NPM2: variants seen among roughly 807,000 people sequenced by gnomAD.
NPM2 encodes nucleoplasmin-2.
NPM2 carries 25 observed loss-of-function variants against 32.0 expected under a neutral mutation model. The ratio of observed to expected loss-of-function variants is 0.78; its 90% CI spans 0.57 to 1.09. The LOEUF (loss-of-function observed/expected upper bound fraction) is 1.09, where lower values mean the gene tolerates loss of function less well. Ranked by LOEUF, NPM2 falls within the 50% of genes least tolerant of loss-of-function variation. The pLI is 0.00. For missense variants in NPM2, 282 were observed against 259.9 expected (o/e 1.08, Z -0.58); for synonymous variants, 111 against 94.2 (o/e 1.18, Z -1.04).
In NPM2 at chr8:22,034,156, G is replaced by A; in HGVS notation, c.412G>A (p.Glu138Lys). The stretch of plus-strand genomic sequence containing the variant: ...GGAGGAGGAGGAAGAAGAAGGGGAG[G>A]AGGAGGAAGAGGAAGAGGAAGATGA... ...WEEEEEEEGE[E>K]EEEEEEDDED... is the part of the protein sequence containing the mutation. Residue 138 changes from glutamate to lysine, a missense_variant, in exon 7 of 10, where the codon GAG (glutamate) becomes AAG (lysine). Glu to Lys is a moderately conservative substitution (Grantham distance 56). Transcript: ENST00000518119. 1.2e-6 allele frequency: 2 copies of A among 1,612,094 alleles called. No homozygotes were observed. The highest frequency in any genetic ancestry group is 2.2e-5 in the South Asian group (2 of 90,672).
intron 5 of NPM2, among the ~76,000 whole-genome samples, chr8:22,027,373 A>G (rs1349154176): frequency 6.6e-6 from 1 of 152,194 alleles, no homozygotes; most frequent in East Asian, 1.9e-4. Context: ...GTGGTTTTCA[A>G]GACCATCTAA....
chr8:22,034,573 A>T, intron 8 of NPM2, 29 bp downstream of exon 8: 1 of 1,572,166 alleles, frequency 6.4e-7, no homozygotes, highest in Non-Finnish European at 8.7e-7. Flanking sequence ...TAAATTAGCC[A>T]AAGTCTCCAG....
intron 2 of NPM2, 113 bp downstream of exon 2, chr8:22,024,943 T>A: frequency 2.4e-6 from 1 of 413,814 alleles, no homozygotes; most frequent in Non-Finnish European, 4.3e-6. Context: ...CCAGGTGACC[T>A]CCCCGCGGCC....
rs1365935131 is a variant in NPM2 at position 22,025,375 on chromosome 8, G to T, written c.59-61G>T. Reference sequence around the variant, plus strand: ...CCGGTGCGCGGCAGCTTGGGGCGCAGGTGAGCCCCTCCTTTGGGAACGAAT... The same window carrying T: ...CCGGTGCGCGGCAGCTTGGGGCGCATGTGAGCCCCTCCTTTGGGAACGAAT... On this transcript the variant is annotated intron_variant, in intron 3 of 9. Coordinates refer to ENST00000518119, the MANE Select transcript of NPM2 (RefSeq NM_001286680.2). 4 of 1,602,780 alleles carry T rather than the reference G, an allele frequency of 2.5e-6. No individual in the cohort carries two copies. In the African/African-American group the frequency reaches 4.0e-5, roughly 16 times the overall value.
intron 5 of NPM2, among the ~76,000 whole-genome samples, chr8:22,027,960 C>T (rs925639854): frequency 5.3e-5 from 8 of 152,160 alleles, no homozygotes; most frequent in Non-Finnish European, 1.2e-4. Context: ...CCTGTTGTCT[C>T]TGCCCCCATC....
At chr8:22,030,884 G>T (rs1800416607) in intron 5 of NPM2, among the ~76,000 whole-genome samples, 1 of 152,108 alleles carries the variant, frequency 6.6e-6, no homozygotes, top group African/African-American at 2.4e-5. Context: ...CTAAGTTCTT[G>T]GTCGGGCTAG....
In NPM2 at chr8:22,034,547, A is replaced by G; in HGVS notation, c.566+3A>G. On this transcript the variant is annotated splice_donor_region_variant and intron_variant, in intron 8 of 9. Transcript: ENST00000518119. ...GAAAAAGAAGAAGAGGAAATAAGGT[A>G]ACTCTTTCTACCTATTAAATTAGCC... is the stretch of plus-strand genomic sequence containing the variant. 2.5e-6 allele frequency: 4 copies of G among 1,607,870 alleles called. No individual in the cohort carries two copies. Among genetic ancestry groups the G allele is most frequent in the Non-Finnish European group, 1.7e-6 (2 of 1,174,712 alleles).
At chr8:22,036,155 A>C (rs1800612988) in intron 8 of NPM2, among the ~76,000 whole-genome samples, 1 of 152,128 alleles carries the variant, frequency 6.6e-6, no homozygotes. Flanking sequence ...AGGCTGAGGC[A>C]GGAGGATCAC....
In NPM2 at chr8:22,025,818, T is replaced by G. The variant is rs780551953; in HGVS notation, c.270+46T>G. The G allele has an allele frequency of 5.3e-5, 86 of 1,611,380 alleles. No individual in the cohort carries two copies. In the Admixed American group the frequency reaches 1.4e-3, roughly 27 times the overall value. ...TGGAAGACTGCTGTCAGCCTCACCC[T>G]CACCCTTGGGTGGGGATGGACACAC... On this transcript the variant is annotated intron_variant, in intron 5 of 9. Coordinates refer to ENST00000518119, the MANE Select transcript of NPM2 (RefSeq NM_001286680.2).
At chr8:22,025,604 G>A (rs771612705) in intron 4 of NPM2, 43 bp from the exon 5 acceptor site, 5 of 1,614,076 alleles carry the variant, frequency 3.1e-6, no homozygotes, top group Non-Finnish European at 4.2e-6. Context: ...TCTCCCGTCG[G>A]CCCTCAGGGT....
In NPM2 at chr8:22,034,512, A is replaced by T. The variant is rs1334117276; in HGVS notation, c.534A>T (p.Lys178Asn). Residue 178 changes from lysine (K) to asparagine (N), a missense_variant and splice_region_variant, in exon 8 of 10, where the codon AAA becomes AAT. Physicochemically the swap from Lys to Asn is moderately conservative, Grantham distance 94. Coordinates refer to ENST00000518119, the MANE Select transcript of NPM2 (RefSeq NM_001286680.2). Reference protein sequence around the residue: ...VPQKQASVAKKKKLEKEEEEI... With the variant: ...VPQKQASVAKNKKLEKEEEEI... ...ATACACTGTTTTTTGGTTCCCAGAAAAAAAAGCTGGAAAAAGAAGAAGAGG... is the reference window on the plus strand; with the variant it reads ...ATACACTGTTTTTTGGTTCCCAGAATAAAAAGCTGGAAAAAGAAGAAGAGG... 5.0e-6 allele frequency: 8 copies of T among 1,612,278 alleles called. No individual in the cohort carries two copies. In the Admixed American group the frequency reaches 1.2e-4, roughly 24 times the overall value.
chr8:22,032,960 C>G, intron 5 of NPM2, 170 bp from the exon 6 acceptor site: 2 of 600,680 alleles, frequency 3.3e-6, no homozygotes, highest in South Asian at 1.9e-5. Context: ...GTGAGCTTAG[C>G]AAGAATGGGA....
At chr8:22,034,774 A>G (rs957049775) in intron 8 of NPM2, among the ~76,000 whole-genome samples, 1 of 152,226 alleles carries the variant, frequency 6.6e-6, no homozygotes, top group Non-Finnish European at 1.5e-5. Context: ...TTCCTTCCAC[A>G]GAATTCCATC....
At chr8:22,030,702 C>T (rs1400372271) in intron 5 of NPM2, among the ~76,000 whole-genome samples, 1 of 151,910 alleles carries the variant, frequency 6.6e-6, no homozygotes, top group African/African-American at 2.4e-5. Flanking sequence ...ATTTTAGAGA[C>T]AAGATCTTGC....
chr8:22,034,405 C>A (rs561221021), intron 7 of NPM2, 105 bp from the exon 8 acceptor site: 3 of 1,365,320 alleles, frequency 2.2e-6, no homozygotes, highest in African/African-American at 1.4e-5. Flanking sequence ...GCCACCTCAG[C>A]TAGTTCTGGC....
rs1473493985 is a variant in NPM2 at position 22,034,285 on chromosome 8, G to A, written c.531+10G>A. On this transcript the variant is annotated intron_variant, in intron 7 of 9. Coordinates refer to ENST00000518119, the MANE Select transcript of NPM2 (RefSeq NM_001286680.2). ...GGCGAGCGTGGCTAAGGTGGGGGAA[G>A]GAGCGTGGCTGTTTGGAAGGAAGTG... 4 of 1,571,674 alleles carry A rather than the reference G, an allele frequency of 2.5e-6. No homozygotes were observed. The South Asian group carries it at 3.6e-5, about 14-fold the overall frequency.
rs1177406635 is a variant in NPM2, at chr8:22,024,300, A to G, written c.-464A>G. On this transcript the variant is annotated 5_prime_UTR_variant, in exon 1 of 10. It removes an upstream start codon present in the reference 5' UTR. Coordinates refer to ENST00000518119, the MANE Select transcript of NPM2 (RefSeq NM_001286680.2). Reference sequence around the variant, plus strand: ...GCTGTCTGGGCCTTAGGAAAGGCCCATGCTGTATAAGGCATGGGGAAAGGA... The same window carrying G: ...GCTGTCTGGGCCTTAGGAAAGGCCCGTGCTGTATAAGGCATGGGGAAAGGA... 2 of 152,380 alleles carry G rather than the reference A, an allele frequency of 1.3e-5. No individual in the cohort carries two copies. The highest frequency in any genetic ancestry group is 1.3e-4 in the Admixed American group (2 of 15,292). 9.4% of individuals were successfully genotyped at this position (152,380 alleles called of 1,614,324 possible).
intron 5 of NPM2, among the ~76,000 whole-genome samples, chr8:22,026,371 G>C (rs1296856730): frequency 6.6e-6 from 1 of 151,806 alleles, no homozygotes; most frequent in Admixed American, 6.6e-5. Context: ...TCTACATATT[G>C]GTTGTGCATC....
At chr8:22,036,580 G>T (rs1314113896) in intron 9 of NPM2, 54 bp downstream of exon 9, 1 of 1,562,658 alleles carries the variant, frequency 6.4e-7, no homozygotes, top group Non-Finnish European at 8.7e-7. Context: ...TTCTCTGGAG[G>T]GGGCTGCCTG....
Sources: gnomAD v4.1 joint callset for allele counts (sites outside exome capture counted in the v4.1 genomes callset) on GRCh38, gnomAD v4.1.1 for gene constraint, MANE v1.5 for transcripts, NCBI Gene and HGNC (gene_info 2026-07-23, HGNC 2026-07-21) for gene names.